Variants in CPEB2 observed in about 807,000 individuals in gnomAD.
CPEB2 encodes the protein cytoplasmic polyadenylation element-binding protein 2.
In CPEB2, 56 loss-of-function variants were observed where a neutral mutation model predicts 93.6. The observed-to-expected ratio is 0.60, with a 90% CI of 0.48 to 0.75. CPEB2 has a LOEUF of 0.75. CPEB2 is among the 30% of genes least tolerant of loss of function. The probability of loss-of-function intolerance (pLI) is 0.00; values close to 1 mark genes in which losing one functional copy is unlikely to be tolerated. For missense variants in CPEB2, 1,579 were observed against 1,395.1 expected (o/e 1.13, Z -2.10); for synonymous variants, 764 against 586.3 (o/e 1.30, Z -4.38).
chr4:15,052,766 G>A (rs1728347847), intron 7 of CPEB2, among the ~76,000 whole-genome samples, 182 bp downstream of exon 7: 1 of 151,912 alleles, frequency 6.6e-6, no homozygotes, highest in African/African-American at 2.4e-5. Context: ...TTGAACAAAA[G>A]CTTTTTTATT....
intron 8 of CPEB2, 62 bp downstream of exon 8, chr4:15,054,279 T>C (rs1295528941): frequency 6.3e-6 from 7 of 1,111,700 alleles, no homozygotes; most frequent in Middle Eastern, 2.1e-4. Flanking sequence ...AAAGAAAGAA[T>C]AGCAATTACT....
At chr4:15,062,304 GC>G (rs1383038138) in intron 11 of CPEB2, 44 bp downstream of exon 11, 1 of 1,477,782 alleles carries the variant, frequency 6.8e-7, no homozygotes, top group Non-Finnish European at 9.2e-7. Flanking sequence ...ATAATAAGGT[GC>G]TGATCCAAAG....
chr4:15,056,975 T>C (rs147657548), intron 8 of CPEB2, among the ~76,000 whole-genome samples: 24 of 152,144 alleles, frequency 1.6e-4, no homozygotes, highest in African/African-American at 5.5e-4. Flanking sequence ...ATTTAGAGTA[T>C]TACTTTAAAT....
chr4:15,007,565 T>A lies in CPEB2; in HGVS notation c.1923T>A (p.Ser641Arg). ...EDNVFRTDNN[S>R]NTLLPLQVRS... ...ATGTGTTCAGAACAGACAACAATAG[T>A]AATACACTCTTACCCTTACAGGTAA... The change falls in exon 2 of 12, where the codon AGT becomes AGA. Residue 641 changes from serine (S) to arginine (R), a missense_variant. Around this residue, in one of 2 missense-constraint regions of CPEB2, gnomAD observed 1,411 missense variants for 1,056.0 expected, o/e 1.34. Transcript: ENST00000538197. 1 of 1,603,412 alleles carries A rather than the reference T, an allele frequency of 6.2e-7. No homozygotes were observed. The highest frequency in any genetic ancestry group is 8.5e-7 in the Non-Finnish European group (1 of 1,172,888).
chr4:15,007,173 T>C (rs1722928533), intron 1 of CPEB2, 132 bp from the exon 2 acceptor site: 8 of 694,644 alleles, frequency 1.2e-5, no homozygotes, highest in Non-Finnish European at 1.7e-5. Context: ...GTTACTTTTA[T>C]AACCTAGAAA....
At chr4:15,006,515 G>C (rs1577356806) in intron 1 of CPEB2, 1 of 151,918 alleles carries the variant, frequency 6.6e-6, no homozygotes, top group Non-Finnish European at 1.5e-5. Context: ...TTTGAGATTA[G>C]GATGTAATTT....
At position 15,004,049 on chromosome 4, in the gene CPEB2, C is replaced by T. The variant is rs867800103; in HGVS notation, c.1376C>T (p.Pro459Leu). 7 of 1,566,266 alleles carry T rather than the reference C, an allele frequency of 4.5e-6. No individual in the cohort carries two copies. The highest frequency in any genetic ancestry group is 5.2e-6 in the Non-Finnish European group (6 of 1,159,086). Residue 459 changes from proline (P) to leucine (L), a missense_variant, in exon 1 of 12, where the codon CCG becomes CTG. By Grantham distance (98) the Pro-to-Leu change is moderately conservative. Transcript: ENST00000538197. ...FYPGLPSSMN[P>L]AFFPSFSPVS... ...CCCGGGCTGCCGTCGTCCATGAACC[C>T]GGCCTTCTTCCCTAGCTTCTCGCCC...
intron 5 of CPEB2, among the ~76,000 whole-genome samples, chr4:15,038,379 C>T (rs970500267): frequency 1.3e-5 from 2 of 152,088 alleles, no homozygotes; most frequent in Non-Finnish European, 2.9e-5. Flanking sequence ...TGACTTTAAA[C>T]TTGATGAAAA....
rs1313828580 is a variant in CPEB2, at chr4:15,066,940, A to G, written c.*560A>G. On this transcript the variant is annotated 3_prime_UTR_variant, in exon 12 of 12. Transcript: ENST00000538197. ...CTCAAGATAATCTGATTTATTAGCT[A>G]TTTTTAAACATTTTTAATCACAAGC... The G allele has an allele frequency of 3.3e-5, 5 of 153,614 alleles. No homozygotes were observed. The highest frequency in any genetic ancestry group is 5.8e-5 in the Non-Finnish European group (4 of 68,812). 9.5% of individuals were successfully genotyped at this position (153,614 alleles called of 1,614,324 possible).
At chr4:15,034,294 T>C (rs1051082633) in intron 5 of CPEB2, among the ~76,000 whole-genome samples, 1 of 152,144 alleles carries the variant, frequency 6.6e-6, no homozygotes, top group Non-Finnish European at 1.5e-5. Context: ...CCATACTGAG[T>C]CATGTGGAAG....
In CPEB2 at chr4:15,002,624, G is replaced by A. The variant is rs973358860; in HGVS notation, c.-50G>A. On this transcript the variant is annotated 5_prime_UTR_variant, in exon 1 of 12. The change creates a new upstream start codon in the 5' untranslated region. Transcript: ENST00000538197. ...AACCCCAGCGCCGGCGGCTTCCTAG[G>A]TGGGGCAGGGGACGAGGAGCGTCTC... is the stretch of plus-strand genomic sequence containing the variant. 3 of 1,420,420 alleles carry A rather than the reference G, an allele frequency of 2.1e-6. No homozygotes were observed. Among genetic ancestry groups the A allele is most frequent in the African/African-American group, 1.5e-5 (1 of 67,894 alleles). The allele number at this position is 1,420,420 out of a possible 1,614,324, so 88.0% of individuals were successfully genotyped here. A position where few individuals can be genotyped will look rare whatever the true frequency, so the allele number is the denominator to read the frequency against.
At chr4:15,052,058 T>G (rs116523378) in intron 6 of CPEB2, among the ~76,000 whole-genome samples, 1,828 of 152,272 alleles carry the variant, frequency 0.012, 38 homozygotes, top group African/African-American at 0.042. Context: ...GTCATTTCCT[T>G]TCTGCCACCA....
intron 3 of CPEB2, among the ~76,000 whole-genome samples, chr4:15,014,262 A>T (rs1277855606): frequency 6.6e-6 from 1 of 152,116 alleles, no homozygotes; most frequent in African/African-American, 2.4e-5. Context: ...TTAACAACCT[A>T]AAAAGATAAC....
At chr4:15,050,049 C>T (rs1728075821) in intron 6 of CPEB2, among the ~76,000 whole-genome samples, 1 of 152,152 alleles carries the variant, frequency 6.6e-6, no homozygotes, top group South Asian at 2.1e-4. Context: ...ATAAAACGGT[C>T]CGGTCCGTGG....
chr4:15,064,309 T>TTTAA (rs548951280), intron 11 of CPEB2, among the ~76,000 whole-genome samples: 1 of 152,042 alleles, frequency 6.6e-6, no homozygotes, highest in Non-Finnish European at 1.5e-5. Context: ...TATAGAAGAG[T>TTTAA]TTAATTATTA....
intron 4 of CPEB2, among the ~76,000 whole-genome samples, chr4:15,018,954 A>G (rs1724499070): frequency 1.4e-5 from 2 of 145,084 alleles, no homozygotes; most frequent in African/African-American, 5.0e-5. Flanking sequence ...ATATATATAT[A>G]TATATATATA....
chr4:15,040,527 T>C (rs905373579), intron 6 of CPEB2, 40 bp downstream of exon 6: 1 of 1,501,440 alleles, frequency 6.7e-7, no homozygotes, highest in African/African-American at 1.4e-5. Flanking sequence ...TTGTTTCTAA[T>C]GGGGTTTACT....
At chr4:15,011,886 C>T (rs1036776323) in intron 3 of CPEB2, among the ~76,000 whole-genome samples, 1 of 152,106 alleles carries the variant, frequency 6.6e-6, no homozygotes, top group Admixed American at 6.6e-5. Context: ...TTTGCTCTTC[C>T]ACAAGCTCTA....
At chr4:15,004,494 G>A (rs1490880304) in intron 1 of CPEB2, among the ~76,000 whole-genome samples, 159 bp downstream of exon 1, 1 of 152,076 alleles carries the variant, frequency 6.6e-6, no homozygotes, top group Non-Finnish European at 1.5e-5. Context: ...GCGGACAACC[G>A]TGACAGGACT....
Sources: allele counts gnomAD v4.1 joint callset (sites outside exome capture counted in the v4.1 genomes callset), GRCh38; gene constraint gnomAD v4.1.1; regional missense constraint gnomAD v4.1.1; transcripts MANE v1.5; gene names NCBI Gene and HGNC (gene_info 2026-07-23, HGNC 2026-07-21).